AFG1L: variants seen among roughly 807,000 people sequenced by gnomAD.
The protein encoded by AFG1L is AFG1 like ATPase, also known as AFG1-like ATPase.
AFG1L carries 53 observed loss-of-function variants against 62.2 expected under a neutral mutation model. The observed-to-expected ratio is 0.85, with a 90% CI of 0.68 to 1.07. The LOEUF (loss-of-function observed/expected upper bound fraction) is 1.07. Among genes scored for constraint, AFG1L ranks in the 50% least tolerant of loss-of-function variants. The probability of loss-of-function intolerance (pLI) is 0.00; values close to 1 mark genes in which losing one functional copy is unlikely to be tolerated. For synonymous variants in AFG1L, 228 were observed against 210.3 expected, an observed-to-expected ratio of 1.08 and a Z score of -0.73; for missense variants, 555 against 590.5, an observed-to-expected ratio of 0.94 and a Z score of 0.62.
chr6:108,333,332 C>CT (rs1361915428), intron 2 of AFG1L, among the ~76,000 whole-genome samples: 5 of 151,980 alleles, frequency 3.3e-5, no homozygotes, highest in African/African-American at 1.2e-4. Context: ...ATCGCTTGAA[C>CT]TTGGGAGGTG....
chr6:108,396,434 T>C (rs1343177236), intron 6 of AFG1L, among the ~76,000 whole-genome samples: 1 of 152,204 alleles, frequency 6.6e-6, no homozygotes, highest in Non-Finnish European at 1.5e-5. Context: ...TAAGAGTTTT[T>C]AAGAAATAGT....
chr6:108,500,179 T>C (rs149916691), intron 10 of AFG1L, among the ~76,000 whole-genome samples: 64 of 143,262 alleles, frequency 4.5e-4, no homozygotes, highest in African/African-American at 1.7e-3. Context: ...TGCGTGTGTG[T>C]GTGTGTGTGT....
At position 108,344,763 on chromosome 6, in the gene AFG1L, T is replaced by G. The variant is rs764166482; in HGVS notation, c.364-2225T>G. The G allele has an allele frequency of 7.2e-5, 34 of 471,172 alleles. 1 individual carries two copies. The highest frequency in any genetic ancestry group is 4.8e-4 in the South Asian group (31 of 64,562). 29.2% of individuals were successfully genotyped at this position (471,172 alleles called of 1,614,324 possible). On this transcript the variant is annotated intron_variant, in intron 2 of 12. Transcript: ENST00000368977. ...ACTCACTCCACCCTGTCATACCTTG[T>G]TTTTTGCACAGGTGTTAGGAACTGC...
At chr6:108,485,642 ATATATATATATATATTT>A (rs1425078434) in intron 10 of AFG1L, among the ~76,000 whole-genome samples, 2 of 17,790 alleles carry the variant, frequency 1.1e-4, no homozygotes, top group Admixed American at 6.0e-4. Flanking sequence ...ATATATATAT[ATATATATATATATATTT>A]TTTTTTTTTT....
chr6:108,476,108 C>A (rs905467480), intron 8 of AFG1L, among the ~76,000 whole-genome samples: 6 of 151,904 alleles, frequency 3.9e-5, no homozygotes, highest in Non-Finnish European at 8.8e-5. Context: ...TAATTTACCA[C>A]CCCTCTTAAA....
At chr6:108,381,382 G>A (rs1780510830) in intron 6 of AFG1L, among the ~76,000 whole-genome samples, 1 of 151,374 alleles carries the variant, frequency 6.6e-6, no homozygotes, top group Non-Finnish European at 1.5e-5. Flanking sequence ...AAGAGACCTG[G>A]ATTATGGTTT....
intron 2 of AFG1L, among the ~76,000 whole-genome samples, chr6:108,344,422 G>T (rs952947702): frequency 1.5e-4 from 22 of 151,652 alleles, no homozygotes; most frequent in Admixed American, 2.0e-4. Context: ...CTACAGGATA[G>T]TTTTTTTTCA....
At chr6:108,303,734 T>C (rs1317193449) in intron 1 of AFG1L, among the ~76,000 whole-genome samples, 1 of 152,214 alleles carries the variant, frequency 6.6e-6, no homozygotes, top group African/African-American at 2.4e-5. Flanking sequence ...CTTCATAATA[T>C]CATTTAAATG....
At chr6:108,376,426 T>C (rs1295509926) in intron 6 of AFG1L, among the ~76,000 whole-genome samples, 1 of 151,840 alleles carries the variant, frequency 6.6e-6, no homozygotes, top group African/African-American at 2.4e-5. Flanking sequence ...CTCTGGGATA[T>C]GGCTTTTGCT....
At position 108,477,291 on chromosome 6, in the gene AFG1L, G is replaced by A. The variant is rs1377997922; in HGVS notation, c.1061G>A (p.Arg354Lys). The change falls in exon 10 of 13, where the codon AGA (arginine) becomes AAA (lysine). Residue 354 changes from arginine to lysine, a missense_variant and splice_region_variant. By Grantham distance (26) the Arg-to-Lys change is conservative (BLOSUM62 2). Coordinates refer to ENST00000368977, the MANE Select transcript of AFG1L (RefSeq NM_145315.5). ...TGCACATTTGAAGAGCTGTGTGAGA[G>A]AGTAAGTATCCAGGCACGTCCAGAC... ...ADCTFEELCE[R>K]PLGASDYLEL... is the part of the protein sequence containing the mutation. The A allele has an allele frequency of 6.3e-7, 1 of 1,593,716 alleles. No individual in the cohort carries two copies. The highest frequency in any genetic ancestry group is 2.3e-5 in the East Asian group (1 of 44,428).
intron 1 of AFG1L, chr6:108,295,966 A>C (rs549237202): frequency 6.6e-6 from 1 of 152,314 alleles, no homozygotes; most frequent in African/African-American, 2.4e-5. Flanking sequence ...TGAATGAATG[A>C]ATGAAATTAT....
intron 8 of AFG1L, among the ~76,000 whole-genome samples, chr6:108,459,101 G>A (rs1772359998): frequency 6.6e-6 from 1 of 152,158 alleles, no homozygotes; most frequent in Non-Finnish European, 1.5e-5. Context: ...AGCTCCAGGG[G>A]TAATGCTTTG....
intron 7 of AFG1L, among the ~76,000 whole-genome samples, chr6:108,441,322 C>A (rs1771536247): frequency 6.6e-6 from 1 of 152,128 alleles, no homozygotes; most frequent in Non-Finnish European, 1.5e-5. Flanking sequence ...ATTTTTCTTT[C>A]CAAACTCAAA....
intron 7 of AFG1L, among the ~76,000 whole-genome samples, chr6:108,404,456 G>A (rs531012550): frequency 6.6e-6 from 1 of 152,162 alleles, no homozygotes; most frequent in South Asian, 2.1e-4. Flanking sequence ...GGCCCAACAT[G>A]TGGACAATTT....
chr6:108,301,958 T>TA (rs1777017722), intron 1 of AFG1L, among the ~76,000 whole-genome samples: 1 of 152,086 alleles, frequency 6.6e-6, no homozygotes, highest in African/African-American at 2.4e-5. Context: ...TTTTTTTTTT[T>TA]TTTTTGAGAC....
chr6:108,301,171 G>A (rs1401907277), intron 1 of AFG1L, among the ~76,000 whole-genome samples: 1 of 152,094 alleles, frequency 6.6e-6, no homozygotes, highest in African/African-American at 2.4e-5. Flanking sequence ...CACTCTCATC[G>A]CCATCTTGGT....
At chr6:108,398,395 T>G (rs1781409075) in intron 6 of AFG1L, among the ~76,000 whole-genome samples, 1 of 152,200 alleles carries the variant, frequency 6.6e-6, no homozygotes, top group South Asian at 2.1e-4. Flanking sequence ...TTTTCTCCCA[T>G]TCTGTGGGTT....
chr6:108,307,618 C>G (rs368768597), intron 1 of AFG1L, among the ~76,000 whole-genome samples: 1 of 152,054 alleles, frequency 6.6e-6, no homozygotes, highest in Non-Finnish European at 1.5e-5. Flanking sequence ...CCATATTGCC[C>G]AGGCCTATAT....
chr6:108,370,824 G>A (rs1321953341), intron 6 of AFG1L, among the ~76,000 whole-genome samples: 2 of 152,040 alleles, frequency 1.3e-5, no homozygotes, highest in East Asian at 1.9e-4. Context: ...TCTATTAATC[G>A]TTTAGCCCCT....
Sources: gnomAD v4.1 joint callset for allele counts (sites outside exome capture counted in the v4.1 genomes callset) on GRCh38, gnomAD v4.1.1 for gene constraint, MANE v1.5 for transcripts, NCBI Gene and HGNC (gene_info 2026-07-23, HGNC 2026-07-21) for gene names.